The following STK10 variants were observed in gnomAD, a reference collection of about 807,000 sequenced individuals.
STK10 encodes serine/threonine kinase 10.
A neutral mutation model predicts 113.8 loss-of-function variants in STK10; 78 were observed. The ratio of observed to expected loss-of-function variants is 0.69; its 90% CI spans 0.57 to 0.83. The LOEUF (loss-of-function observed/expected upper bound fraction) is 0.83. Among genes scored for constraint, STK10 ranks in the 40% least tolerant of loss-of-function variants. The probability of loss-of-function intolerance (pLI) is 0.00; values close to 1 mark genes in which losing one functional copy is unlikely to be tolerated. For missense variants in STK10, 1,109 were observed against 1,280.1 expected (o/e 0.87, Z 2.04); for synonymous variants, 465 against 494.7 (o/e 0.94, Z 0.80).
Position 172,055,706 on chromosome 5 carries a change from T to C in STK10, c.2408A>G (p.Lys803Arg), listed in dbSNP as rs1767735879. 6.3e-7 allele frequency: 1 copy of C among 1,580,020 alleles called. No individual in the cohort carries two copies. Among genetic ancestry groups the C allele is most frequent in the African/African-American group, 1.4e-5 (1 of 73,898 alleles). ...CCTCTGGATCTTGGGCAGCCGCGCC[T>C]TTTCCTGTTGCTGCCGCACCTTCAG... ...EQLKVRQQQE[K>R]ARLPKIQRSE... Residue 803 changes from lysine (K) to arginine (R), a missense_variant, in exon 16 of 19, where the codon AAG becomes AGG. Lys to Arg is a conservative substitution (Grantham distance 26). Coordinates refer to ENST00000176763, the MANE Select transcript of STK10 (RefSeq NM_005990.4).
At chr5:172,159,957 G>A (rs906837706) in intron 1 of STK10, among the ~76,000 whole-genome samples, 30 of 151,840 alleles carry the variant, frequency 2.0e-4, no homozygotes, top group Non-Finnish European at 5.9e-5. Flanking sequence ...CCAACATGGT[G>A]AAACCCCATC....
chr5:172,122,592 A>G (rs1769536713), intron 3 of STK10, among the ~76,000 whole-genome samples: 3 of 152,130 alleles, frequency 2.0e-5, no homozygotes, highest in South Asian at 4.2e-4. Context: ...CCTTTCCACG[A>G]TAAGAGGGTG....
rs1466774080 is a variant in STK10, at chr5:172,054,685, G to A, written c.2536C>T (p.Gln846Ter). The part of the protein sequence containing the change: ...QREKIKQFSQ[Q>*]EEKRQKSERL... ...TCCGACTTCTGCCTCTTCTCCTCCT[G>A]CTGGGAGAACTGCACCAGAGAGAGG... Residue 846 changes from glutamine (Q) to a stop codon, truncating the protein, a stop_gained, in exon 17 of 19, where the codon CAG becomes TAG. Transcript: ENST00000176763. LOFTEE classifies it high-confidence loss of function. 6.2e-7 allele frequency: 1 copy of A among 1,609,578 alleles called. No individual in the cohort carries two copies. The highest frequency in any genetic ancestry group is 8.5e-7 in the Non-Finnish European group (1 of 1,179,982).
chr5:172,144,589 G>A (rs1393478521), intron 2 of STK10, among the ~76,000 whole-genome samples: 1 of 151,900 alleles, frequency 6.6e-6, no homozygotes, highest in African/African-American at 2.4e-5. Context: ...TTACTAGGCA[G>A]CCTACACCCC....
At chr5:172,131,999 G>A (rs796603428) in intron 2 of STK10, among the ~76,000 whole-genome samples, 73 of 152,274 alleles carry the variant, frequency 4.8e-4, no homozygotes, top group African/African-American at 1.7e-3. Flanking sequence ...CACCTTCCAC[G>A]ATGGCAAGAA....
At chr5:172,146,276 TG>T (rs1032862189) in intron 2 of STK10, among the ~76,000 whole-genome samples, 3 of 152,120 alleles carry the variant, frequency 2.0e-5, no homozygotes, top group African/African-American at 7.2e-5. Context: ...ATTGCTACCC[TG>T]TCTAAACGAG....
chr5:172,073,921 C>T (rs10060663), intron 12 of STK10, among the ~76,000 whole-genome samples: 31,433 of 150,736 alleles, frequency 0.21, 4,271 homozygotes, highest in African/African-American at 0.38. Flanking sequence ...GCCAAGATCA[C>T]GCCACTACAC....
intron 12 of STK10, among the ~76,000 whole-genome samples, chr5:172,077,171 G>C (rs1041311163): frequency 6.6e-6 from 1 of 152,174 alleles, no homozygotes; most frequent in Non-Finnish European, 1.5e-5. Context: ...GTCCAGCTAC[G>C]TGTCTTCAGA....
rs56214442 is a variant in STK10 at position 172,096,467 on chromosome 5, G to C, written c.964C>G (p.Arg322Gly). 3 of 1,613,434 alleles carry C rather than the reference G, an allele frequency of 1.9e-6. No homozygotes were observed. Among genetic ancestry groups the C allele is most frequent in the Non-Finnish European group, 2.5e-6 (3 of 1,180,026 alleles). Residue 322 changes from arginine to glycine, a missense_variant, in exon 8 of 19, where the codon CGG (arginine) becomes GGG (glycine). Physicochemically the swap from Arg to Gly is moderately radical, Grantham distance 125 (BLOSUM62 -2). Transcript: ENST00000176763. ...GCGTCCTCCTCTTCCCCCTCATCCC[G>C]GCCGTCTTCGATCTCTTCCATCACC... is the stretch of plus-strand genomic sequence containing the variant. Reference protein sequence around the residue: ...AEVMEEIEDGRDEGEEEDAVD... With the variant: ...AEVMEEIEDGGDEGEEEDAVD...
intron 1 of STK10, among the ~76,000 whole-genome samples, chr5:172,180,531 C>CT (rs1267696074): frequency 1.3e-5 from 2 of 151,914 alleles, no homozygotes; most frequent in East Asian, 1.9e-4. Context: ...TGGCTCACGC[C>CT]TGTAATCCCA....
At chr5:172,108,062 G>A (rs1419231585) in intron 4 of STK10, 2 of 474,252 alleles carry the variant, frequency 4.2e-6, no homozygotes, top group Non-Finnish European at 7.5e-6. Flanking sequence ...AGCCTGCACT[G>A]GCAGCAGCCT....
intron 12 of STK10, among the ~76,000 whole-genome samples, chr5:172,078,780 C>T (rs1319745199): frequency 1.0e-5 from 1 of 96,596 alleles, no homozygotes; most frequent in African/African-American, 6.3e-5. Context: ...CGCTCTGCCT[C>T]GTTCAGAGGC....
intron 2 of STK10, among the ~76,000 whole-genome samples, chr5:172,130,570 C>T (rs572278038): frequency 4.0e-5 from 6 of 151,888 alleles, no homozygotes; most frequent in Non-Finnish European, 5.9e-5. Context: ...CCTAATACAC[C>T]GTGGATATGT....
intron 18 of STK10, among the ~76,000 whole-genome samples, chr5:172,049,970 T>TA (rs1267526141): frequency 6.6e-6 from 1 of 152,122 alleles, no homozygotes; most frequent in Non-Finnish European, 1.5e-5. Flanking sequence ...GTCTGGCTAA[T>TA]TTTTGTATTT....
intron 7 of STK10, among the ~76,000 whole-genome samples, chr5:172,104,383 C>A (rs764424351): frequency 2.0e-5 from 3 of 152,034 alleles, no homozygotes; most frequent in Non-Finnish European, 4.4e-5. Context: ...AGCCATGACG[C>A]CCTAACTCGA....
At chr5:172,140,127 G>A (rs1011983727) in intron 2 of STK10, among the ~76,000 whole-genome samples, 12 of 151,870 alleles carry the variant, frequency 7.9e-5, no homozygotes. Flanking sequence ...ATGAATGAAG[G>A]ACGTGAATGG....
Position 172,096,465 on chromosome 5 carries a change from C to T in STK10, c.966G>A (p.Arg322=). The part of the protein sequence containing the change: ...AEVMEEIEDG[R]DEGEEEDAVD... Reference sequence around the variant, plus strand: ...CGGCGTCCTCCTCTTCCCCCTCATCCCGGCCGTCTTCGATCTCTTCCATCA... The same window carrying T: ...CGGCGTCCTCCTCTTCCCCCTCATCTCGGCCGTCTTCGATCTCTTCCATCA... The change falls in exon 8 of 19, where the codon CGG becomes CGA. Residue 322 remains arginine, a synonymous_variant. Coordinates refer to ENST00000176763, the MANE Select transcript of STK10 (RefSeq NM_005990.4). 6.2e-7 allele frequency: 1 copy of T among 1,613,512 alleles called. No individual in the cohort carries two copies. Among genetic ancestry groups the T allele is most frequent in the Non-Finnish European group, 8.5e-7 (1 of 1,180,028 alleles).
intron 3 of STK10, among the ~76,000 whole-genome samples, chr5:172,125,942 T>C (rs558685935): frequency 1.3e-5 from 2 of 152,264 alleles, no homozygotes; most frequent in Non-Finnish European, 2.9e-5. Flanking sequence ...GGCATTTTGC[T>C]CTTTTTGGAT....
chr5:172,112,738 TTTACACACTTTTA>T (rs1769265970), intron 4 of STK10, among the ~76,000 whole-genome samples: 1 of 150,168 alleles, frequency 6.7e-6, no homozygotes. Context: ...CATTTTTCAC[TTTACACACTTTTA>T]TTCTTTTTTT....
Sources: allele counts gnomAD v4.1 joint callset (sites outside exome capture counted in the v4.1 genomes callset), GRCh38; gene constraint gnomAD v4.1.1; transcripts MANE v1.5; gene names NCBI Gene and HGNC (gene_info 2026-07-23, HGNC 2026-07-21).